Variants in KIF1B observed in about 807,000 individuals in gnomAD.
The protein encoded by KIF1B is kinesin-like protein KIF1B.
In KIF1B, 76 loss-of-function variants were observed where a neutral mutation model predicts 241.9. The ratio of observed to expected loss-of-function variants is 0.31; its 90% confidence interval spans 0.26 to 0.38. KIF1B has a LOEUF of 0.38. Among genes scored for constraint, KIF1B ranks in the 10% least tolerant of loss-of-function variants. The pLI is 1.00. For missense variants in KIF1B, 1,622 were observed against 2,271.4 expected (o/e 0.71, Z 5.81); for synonymous variants, 750 against 796.7 (o/e 0.94, Z 0.99).
chr1:10,315,214 C>T (rs1050200582), intron 22 of KIF1B, among the ~76,000 whole-genome samples: 1 of 117,972 alleles, frequency 8.5e-6, no homozygotes, highest in Non-Finnish European at 1.6e-5. Flanking sequence ...GAGTCTCACT[C>T]TGTTGCCCAG....
intron 22 of KIF1B, chr1:10,305,099 A>G: frequency 1.9e-6 from 2 of 1,067,490 alleles, no homozygotes; most frequent in Non-Finnish European, 2.3e-6. Context: ...TTTAAAAATA[A>G]TAACATGCAA....
At chr1:10,226,970 CA>C (rs1646915994) in intron 1 of KIF1B, among the ~76,000 whole-genome samples, 1 of 82,500 alleles carries the variant, frequency 1.2e-5, no homozygotes, top group Admixed American at 1.1e-4. Context: ...GACCCTGTCT[CA>C]AAAACAAACA....
chr1:10,339,667 TG>T, intron 31 of KIF1B, 101 bp from the exon 32 acceptor site: 1 of 941,090 alleles, frequency 1.1e-6, no homozygotes, highest in South Asian at 1.4e-5. Flanking sequence ...TCTGCTTAAG[TG>T]GAATGCTTCT....
At position 10,374,206 on chromosome 1, in the gene KIF1B, G is replaced by A. The variant is rs1382857084; in HGVS notation, c.4947-110G>A. Reference sequence around the variant, plus strand: ...CTCTCTGCAACTCAAGTTTGCAGCTGGGGTTTAGGGAGGGCCATTGTGTTC... The same window carrying A: ...CTCTCTGCAACTCAAGTTTGCAGCTAGGGTTTAGGGAGGGCCATTGTGTTC... On this transcript the variant is annotated intron_variant, in intron 45 of 48. Coordinates refer to ENST00000676179, the MANE Select transcript of KIF1B (RefSeq NM_001365951.3). This position sits in a 1 kb window ranked among gnomAD's most constrained non-coding sequence, Gnocchi z 4.3. The A allele has an allele frequency of 3.3e-5, 39 of 1,171,028 alleles. No homozygotes were observed. Among genetic ancestry groups the A allele is most frequent in the Admixed American group, 1.7e-5 (1 of 58,042 alleles). 72.5% of individuals were successfully genotyped at this position (1,171,028 alleles called of 1,614,324 possible).
At chr1:10,359,280 G>T (rs1638346779) in intron 38 of KIF1B, among the ~76,000 whole-genome samples, 1 of 152,180 alleles carries the variant, frequency 6.6e-6, no homozygotes, top group African/African-American at 2.4e-5. Flanking sequence ...AATGTATTGG[G>T]CAGGAAAGAG....
chr1:10,372,731 G>T (rs994060471), intron 45 of KIF1B, among the ~76,000 whole-genome samples: 1 of 145,860 alleles, frequency 6.9e-6, no homozygotes, highest in Non-Finnish European at 1.5e-5. Context: ...CCAGGTTCAC[G>T]CCATTCTCCT....
intron 2 of KIF1B, among the ~76,000 whole-genome samples, chr1:10,240,713 G>A (rs935278957): frequency 2.1e-5 from 3 of 144,992 alleles, no homozygotes; most frequent in African/African-American, 7.6e-5. Context: ...AGAATTTATG[G>A]GTAGTTCATT....
At chr1:10,298,170 G>A (rs1650362225) in intron 22 of KIF1B, among the ~76,000 whole-genome samples, 1 of 152,184 alleles carries the variant, frequency 6.6e-6, no homozygotes. Flanking sequence ...TGCAGTTTAG[G>A]AAGTTCTCAT....
intron 5 of KIF1B, 141 bp from the exon 6 acceptor site, chr1:10,267,239 G>A (rs1648516516): frequency 2.9e-6 from 2 of 689,340 alleles, no homozygotes; most frequent in African/African-American, 1.8e-5. Context: ...GACTGGTCTC[G>A]AACTCGTAGT....
chr1:10,349,270 C>CA (rs1044401054), intron 37 of KIF1B, among the ~76,000 whole-genome samples: 6 of 151,646 alleles, frequency 4.0e-5, no homozygotes, highest in African/African-American at 1.2e-4. Flanking sequence ...CCCATCTCTA[C>CA]AAAAAAATAT....
At chr1:10,301,748 AC>A (rs1410417419) in intron 22 of KIF1B, among the ~76,000 whole-genome samples, 2 of 152,180 alleles carry the variant, frequency 1.3e-5, no homozygotes, top group African/African-American at 4.8e-5. Context: ...TTTCCCAGCA[AC>A]TTTTATCTCC....
At chr1:10,352,541 C>A in intron 37 of KIF1B, 90 bp from the exon 38 acceptor site, 1 of 1,153,766 alleles carries the variant, frequency 8.7e-7, no homozygotes, top group Non-Finnish European at 1.3e-6. Context: ...TGAACTTACA[C>A]AGAGATTTAA....
intron 10 of KIF1B, among the ~76,000 whole-genome samples, chr1:10,273,871 A>G (rs1648955384): frequency 6.6e-6 from 1 of 151,604 alleles, no homozygotes; most frequent in South Asian, 2.1e-4. Context: ...ACTGAATTAT[A>G]AAACTGCTGA....
intron 34 of KIF1B, chr1:10,345,493 GTC>G (rs142705299): frequency 0.011 from 3,377 of 310,684 alleles, 127 homozygotes; most frequent in East Asian, 0.08. Flanking sequence ...TCCAAGCATT[GTC>G]TCTCCCACGT....
At chr1:10,334,465 C>G (rs1652085093) in intron 27 of KIF1B, 55 bp from the exon 28 acceptor site, 1 of 1,318,748 alleles carries the variant, frequency 7.6e-7, no homozygotes, top group Non-Finnish European at 1.1e-6. Context: ...AATCTGAAAG[C>G]CAGTTTATCT....
At chr1:10,307,929 A>C (rs1482496194) in intron 22 of KIF1B, 1 of 1,051,700 alleles carries the variant, frequency 9.5e-7, no homozygotes, top group African/African-American at 1.7e-5. Flanking sequence ...CCAGTGAATT[A>C]TTTCTCTTTT....
rs1638983160 is a variant in KIF1B, at chr1:10,380,049, T to G, written c.*3462T>G. 1 of 228,764 alleles carries G rather than the reference T, an allele frequency of 4.4e-6. No homozygotes were observed. The highest frequency in any genetic ancestry group is 8.7e-6 in the Non-Finnish European group (1 of 115,118). The allele number at this position is 228,764 out of a possible 1,614,324, so 14.2% of individuals were successfully genotyped here. ...AGACAACTCTCCTATTTTTTATGGA[T>G]TTTTCAGCTCATTTCAGATGAAGGA... On this transcript the variant is annotated 3_prime_UTR_variant, in exon 49 of 49. Transcript: ENST00000676179.
At chr1:10,348,513 T>G (rs1265931974) in intron 36 of KIF1B, 136 bp from the exon 37 acceptor site, 1 of 716,226 alleles carries the variant, frequency 1.4e-6, no homozygotes, top group Non-Finnish European at 2.6e-6. Flanking sequence ...AATAACAATG[T>G]GGATAGCATT....
rs545718223 is a variant in KIF1B at position 10,361,626 on chromosome 1, C to T, written c.4171-66C>T. 6.3e-6 allele frequency: 10 copies of T among 1,595,350 alleles called. No homozygotes were observed. In the African/African-American group the frequency reaches 8.0e-5, roughly 13 times the overall value. On this transcript the variant is annotated intron_variant, in intron 39 of 48. Coordinates refer to ENST00000676179, the MANE Select transcript of KIF1B (RefSeq NM_001365951.3). ...CTGGGACTCGCTTTCCAAATACGTTCGTGTATAGACTCTAGTCACAGTACT... is the reference window on the plus strand; with the variant it reads ...CTGGGACTCGCTTTCCAAATACGTTTGTGTATAGACTCTAGTCACAGTACT...
Sources: gnomAD v4.1 joint callset for allele counts (sites outside exome capture counted in the v4.1 genomes callset) on GRCh38, gnomAD v4.1.1 for gene constraint, Gnocchi (gnomAD v3.1) non-coding constraint, MANE v1.5 for transcripts, NCBI Gene and HGNC (gene_info 2026-07-23, HGNC 2026-07-21) for gene names.